MGST2: variants seen among roughly 807,000 people sequenced by gnomAD.
MGST2 encodes microsomal glutathione S-transferase 2, also known as glutathione peroxidase MGST2.
Under a neutral mutation model 16.6 loss-of-function variants are expected in MGST2, and 9 were observed. That is an observed-to-expected ratio of 0.54 (90% CI 0.33 to 0.95). MGST2 has a LOEUF of 0.95. MGST2 is among the 40% of genes least tolerant of loss of function. MGST2 has a pLI of 0.03. For missense variants in MGST2, 159 were observed against 175.1 expected, an observed-to-expected ratio of 0.91 and a Z score of 0.52; for synonymous variants, 79 against 68.0, an observed-to-expected ratio of 1.16 and a Z score of -0.79.
intron 2 of MGST2, among the ~76,000 whole-genome samples, chr4:139,690,415 A>G (rs1726511854): frequency 1.3e-5 from 2 of 152,194 alleles, no homozygotes; most frequent in Admixed American, 1.3e-4. Flanking sequence ...GCCCGGGATT[A>G]CAGGTGTGAA....
At position 139,687,437 on chromosome 4, in the gene MGST2, A is replaced by T. The variant is rs575148499; in HGVS notation, c.159-7760A>T. Among the ~76,000 whole-genome samples the T allele has an allele frequency of 2.0e-5, 3 of 152,316 alleles. No homozygotes were observed. In the South Asian group the frequency reaches 6.2e-4, roughly 32 times the overall value. ...AGTAGTTAGAGCAGAATTCCCTGGGATAACCAGTTCAGTCCAAAGCCTACT... is the reference window on the plus strand; with the variant it reads ...AGTAGTTAGAGCAGAATTCCCTGGGTTAACCAGTTCAGTCCAAAGCCTACT... On this transcript the variant is annotated intron_variant, in intron 2 of 4. Transcript: ENST00000265498.
chr4:139,748,053 T>TAAAAAA, the MGST2 span, among the ~76,000 whole-genome samples: 2 of 95,534 alleles, frequency 2.1e-5, no homozygotes, highest in African/African-American at 4.0e-5. Flanking sequence ...AGACTTCGTC[T>TAAAAAA]AAAAAAAAAA....
At chr4:139,713,064 T>C (rs1353594353) in intron 5 of MGST2, among the ~76,000 whole-genome samples, 2 of 152,220 alleles carry the variant, frequency 1.3e-5, no homozygotes, top group Non-Finnish European at 2.9e-5. Context: ...AAGAAAAGTT[T>C]CCTTGACTCT....
intron 5 of MGST2, among the ~76,000 whole-genome samples, chr4:139,721,135 C>T (rs779016270): frequency 2.0e-5 from 3 of 152,226 alleles, no homozygotes; most frequent in African/African-American, 7.2e-5. Context: ...TCCTTCAAAT[C>T]GGCAACGACT....
intron 2 of MGST2, among the ~76,000 whole-genome samples, chr4:139,692,372 G>C (rs147005537): frequency 6.6e-6 from 1 of 152,208 alleles, no homozygotes; most frequent in African/African-American, 2.4e-5. Flanking sequence ...TGGGAATACA[G>C]GGGATGTGCC....
chr4:139,709,080 T>A (rs370497333), downstream of MGST2, among the ~76,000 whole-genome samples: 31,042 of 103,458 alleles, frequency 0.3, 5,812 homozygotes, highest in South Asian at 0.44. Context: ...AATTTTTTTT[T>A]TTTTTTTTTT....
intron 2 of MGST2, among the ~76,000 whole-genome samples, chr4:139,681,107 G>A (rs1406894949): frequency 1.3e-5 from 2 of 152,048 alleles, no homozygotes. Context: ...GCCTTGACCT[G>A]CCAGCCTCAG....
intron 5 of MGST2, among the ~76,000 whole-genome samples, chr4:139,734,861 G>A (rs1391764869): frequency 6.6e-6 from 1 of 152,280 alleles, no homozygotes; most frequent in Non-Finnish European, 1.5e-5. Context: ...CGAGCAGGCT[G>A]GGGTGACGGG....
chr4:139,671,442 C>T (rs1210226581), intron 1 of MGST2, among the ~76,000 whole-genome samples: 1 of 152,118 alleles, frequency 6.6e-6, no homozygotes, highest in Non-Finnish European at 1.5e-5. Context: ...TGAAATAGCA[C>T]CCCACTGTCA....
At chr4:139,727,944 C>T (rs1041654788) in intron 5 of MGST2, among the ~76,000 whole-genome samples, 3 of 152,074 alleles carry the variant, frequency 2.0e-5, no homozygotes, top group East Asian at 1.9e-4. Flanking sequence ...GGCCGGGTGC[C>T]GTGGCTCACA....
chr4:139,714,530 C>A (rs1055208051), intron 5 of MGST2, among the ~76,000 whole-genome samples: 3 of 152,146 alleles, frequency 2.0e-5, no homozygotes, highest in African/African-American at 7.2e-5. Flanking sequence ...TTTGTTCTGG[C>A]CAAAGCAAAA....
chr4:139,696,867 C>T (rs1726951881), intron 3 of MGST2, among the ~76,000 whole-genome samples: 1 of 152,102 alleles, frequency 6.6e-6, no homozygotes, highest in Non-Finnish European at 1.5e-5. Context: ...CATAGAGTAC[C>T]TTGTATCATG....
chr4:139,680,829 T>C (rs1322711414), intron 2 of MGST2, among the ~76,000 whole-genome samples: 1 of 152,170 alleles, frequency 6.6e-6, no homozygotes, highest in Non-Finnish European at 1.5e-5. Context: ...CCCACTGATA[T>C]TGTTGAGATG....
Position 139,715,393 on chromosome 4 carries a change from C to T in MGST2, c.*48+11197C>T, listed in dbSNP as rs971886194. On this transcript the variant is annotated intron_variant, in intron 5 of 5. Coordinates refer to the MGST2 transcript ENST00000616265. This position sits in a 1 kb window ranked among gnomAD's most constrained non-coding sequence, Gnocchi z 4.4. ...CTAGGTTTCTACACTATTGTCCCTT[C>T]GGTGGTTGCCAGAAATATGTTGCAG... Among the ~76,000 whole-genome samples, 15 of 152,142 alleles carry T rather than the reference C, an allele frequency of 9.9e-5. No homozygotes were observed. The highest frequency in any genetic ancestry group is 2.1e-4 in the South Asian group (1 of 4,818).
intron 3 of MGST2, among the ~76,000 whole-genome samples, chr4:139,697,444 C>T (rs142285283): frequency 1.3e-5 from 2 of 152,156 alleles, no homozygotes; most frequent in African/African-American, 4.8e-5. Context: ...GCTGCTTCTC[C>T]TGTTATCTTG....
At chr4:139,751,476 GT>G in the MGST2 span, among the ~76,000 whole-genome samples, 3 of 152,206 alleles carry the variant, frequency 2.0e-5, no homozygotes, top group Non-Finnish European at 4.4e-5. Flanking sequence ...ATGAAACAAA[GT>G]TTTGACTGCA....
At chr4:139,746,942 G>A in the MGST2 span, among the ~76,000 whole-genome samples, 28,198 of 151,978 alleles carry the variant, frequency 0.19, 2,885 homozygotes, top group African/African-American at 0.25. Context: ...AGCTTTTGTC[G>A]GGGGTTCATC....
At chr4:139,734,925 G>A (rs1728873027) in intron 5 of MGST2, among the ~76,000 whole-genome samples, 1 of 152,246 alleles carries the variant, frequency 6.6e-6, no homozygotes, top group Non-Finnish European at 1.5e-5. Flanking sequence ...TTTTCCAGGC[G>A]TCCCTCGCCG....
At chr4:139,753,070 G>C in the MGST2 span, among the ~76,000 whole-genome samples, 13 of 152,130 alleles carry the variant, frequency 8.5e-5, no homozygotes, top group South Asian at 2.5e-3. Flanking sequence ...TTCAGGAGAG[G>C]GCTCAGCCAG....
Sources: gnomAD v4.1 joint callset for allele counts (sites outside exome capture counted in the v4.1 genomes callset) on GRCh38, gnomAD v4.1.1 for gene constraint, Gnocchi (gnomAD v3.1) non-coding constraint, MANE v1.5 for transcripts, NCBI Gene and HGNC (gene_info 2026-07-23, HGNC 2026-07-21) for gene names.